RECK: variants seen among roughly 807,000 people sequenced by gnomAD.
The protein encoded by RECK is reversion-inducing cysteine-rich protein with Kazal motifs.
A neutral mutation model predicts 115.1 loss-of-function variants in RECK; 69 were observed. That is an observed-to-expected ratio of 0.60 (90% CI 0.49 to 0.73). RECK has a LOEUF of 0.73. Ranked by LOEUF, RECK falls within the 30% of genes least tolerant of loss-of-function variation. The probability of loss-of-function intolerance (pLI) is 0.00; values close to 1 mark genes in which losing one functional copy is unlikely to be tolerated. For missense variants in RECK, 1,047 were observed against 1,203.7 expected, an observed-to-expected ratio of 0.87 and a Z score of 1.93; for synonymous variants, 414 against 419.7, an observed-to-expected ratio of 0.99 and a Z score of 0.17.
intron 4 of RECK, among the ~76,000 whole-genome samples, chr9:36,063,508 A>T (rs529904741): frequency 6.6e-6 from 1 of 152,192 alleles, no homozygotes; most frequent in South Asian, 2.1e-4. Context: ...TCTGGTAAAG[A>T]TGTTACCTAC....
chr9:36,079,968 C>T lies in RECK; in HGVS notation c.406-637C>T, dbSNP rs550834853. Among the ~76,000 whole-genome samples, 502 of 152,202 alleles carry T rather than the reference C, an allele frequency of 3.3e-3. 1 individual carries two copies. The highest frequency in any genetic ancestry group is 0.012 in the African/African-American group (486 of 41,530). Reference sequence around the variant, plus strand: ...ACTCGCTTTTGACTTTTTCTATTACCTGGGGCGGGTCTCTTTTACCCTGCT... The same window carrying T: ...ACTCGCTTTTGACTTTTTCTATTACTTGGGGCGGGTCTCTTTTACCCTGCT... On this transcript the variant is annotated intron_variant, in intron 6 of 20. Coordinates refer to ENST00000377966, the MANE Select transcript of RECK (RefSeq NM_021111.3).
intron 1 of RECK, among the ~76,000 whole-genome samples, chr9:36,042,356 C>G (rs1442068157): frequency 6.6e-6 from 1 of 152,068 alleles, no homozygotes; most frequent in Non-Finnish European, 1.5e-5. Flanking sequence ...ATAATGGTCT[C>G]CAACTTCATA....
intron 17 of RECK, 47 bp downstream of exon 17, chr9:36,117,224 G>T (rs776125184): frequency 6.8e-7 from 1 of 1,465,618 alleles, no homozygotes; most frequent in Non-Finnish European, 9.2e-7. Context: ...GGATAAAATT[G>T]GTTTATGATA....
chr9:36,073,377 T>C (rs1229394613), intron 6 of RECK, among the ~76,000 whole-genome samples: 8 of 152,096 alleles, frequency 5.3e-5, no homozygotes, highest in South Asian at 2.1e-4. Flanking sequence ...CTGAGAGGTA[T>C]TGTCTACTCT....
At position 36,083,552 on chromosome 9, in the gene RECK, C is replaced by A. The variant is rs764697389; in HGVS notation, c.627C>A (p.Asn209Lys). 1 of 1,613,062 alleles carries A rather than the reference C, an allele frequency of 6.2e-7. No homozygotes were observed. The highest frequency in any genetic ancestry group is 1.7e-5 in the Admixed American group (1 of 59,906). ...NNYTQSYPMR[N>K]PTDSLYCCDR... ...ATACTCAATCTTATCCAATGAGGAA[C>A]CCAACGGATAGTAAGTAAAAGGGAC... is the stretch of plus-strand genomic sequence containing the variant. Residue 209 changes from asparagine to lysine, a missense_variant, in exon 8 of 21, where the codon AAC (asparagine) becomes AAA (lysine). Transcript: ENST00000377966.
intron 1 of RECK, among the ~76,000 whole-genome samples, chr9:36,051,262 A>T: frequency 6.6e-6 from 1 of 152,304 alleles, no homozygotes; most frequent in Admixed American, 6.5e-5. Flanking sequence ...TCAGAGGAAC[A>T]TTAGCTCTCT....
chr9:36,062,059 G>A (rs1180965442), intron 4 of RECK, among the ~76,000 whole-genome samples: 1 of 151,796 alleles, frequency 6.6e-6, no homozygotes, highest in East Asian at 1.9e-4. Flanking sequence ...GTTTTACATA[G>A]AAGCAGCATA....
At chr9:36,057,592 C>T (rs1464122380) in intron 2 of RECK, among the ~76,000 whole-genome samples, 1 of 152,072 alleles carries the variant, frequency 6.6e-6, no homozygotes, top group African/African-American at 2.4e-5. Context: ...CTGAGGCGGG[C>T]GGATCGCTTT....
At chr9:36,045,649 TA>T (rs1821047445) in intron 1 of RECK, among the ~76,000 whole-genome samples, 1 of 152,138 alleles carries the variant, frequency 6.6e-6, no homozygotes, top group South Asian at 2.1e-4. Flanking sequence ...CCAACTGAAT[TA>T]TAGCTTTTGT....
At chr9:36,081,685 T>C (rs773885095) in intron 7 of RECK, among the ~76,000 whole-genome samples, 1 of 151,834 alleles carries the variant, frequency 6.6e-6, no homozygotes, top group Non-Finnish European at 1.5e-5. Flanking sequence ...AATACAAAAA[T>C]TAGCTGGGCA....
intron 6 of RECK, among the ~76,000 whole-genome samples, chr9:36,072,368 A>G (rs920132120): frequency 2.1e-4 from 32 of 152,214 alleles, no homozygotes; most frequent in African/African-American, 6.5e-4. Context: ...CTGGACAGCT[A>G]GAAGCCTCCT....
rs746006545 is a variant in RECK at position 36,105,295 on chromosome 9, G to A, written c.1576+12G>A. On this transcript the variant is annotated intron_variant, in intron 13 of 20. Transcript: ENST00000377966. ...CTTTTGTGTTCAAGGTAAGAGGTAGGTGGGTGTGAGAAGAGGATGGATAGG... is the reference window on the plus strand; with the variant it reads ...CTTTTGTGTTCAAGGTAAGAGGTAGATGGGTGTGAGAAGAGGATGGATAGG... 8.7e-6 allele frequency: 14 copies of A among 1,613,792 alleles called. No individual in the cohort carries two copies. The highest frequency in any genetic ancestry group is 1.1e-5 in the South Asian group (1 of 91,042).
chr9:36,037,717 G>A (rs79829237), intron 1 of RECK, among the ~76,000 whole-genome samples: 1 of 151,734 alleles, frequency 6.6e-6, no homozygotes, highest in South Asian at 2.1e-4. Flanking sequence ...ATTGCTTCCC[G>A]CTTGCTGGCC....
At chr9:36,090,105 G>A (rs1038014102) in intron 9 of RECK, among the ~76,000 whole-genome samples, 18 of 152,022 alleles carry the variant, frequency 1.2e-4, no homozygotes, top group African/African-American at 4.1e-4. Context: ...GCAGTCAGCC[G>A]AGATCACGCC....
At chr9:36,070,693 A>G (rs1488906147) in intron 6 of RECK, among the ~76,000 whole-genome samples, 1 of 152,190 alleles carries the variant, frequency 6.6e-6, no homozygotes, top group Non-Finnish European at 1.5e-5. Context: ...GGATTTTTGC[A>G]ACAGACAGGA....
At chr9:36,085,015 A>G (rs757323747) in intron 8 of RECK, among the ~76,000 whole-genome samples, 16 of 152,150 alleles carry the variant, frequency 1.1e-4, no homozygotes, top group Non-Finnish European at 2.1e-4. Flanking sequence ...TTATTGTGCC[A>G]CTGCACTCCA....
chr9:36,117,949 C>T (rs1202401084), intron 17 of RECK, among the ~76,000 whole-genome samples: 2 of 152,170 alleles, frequency 1.3e-5, no homozygotes, highest in East Asian at 3.9e-4. Context: ...CATTGCACTC[C>T]AGCCTGGGTG....
chr9:36,060,063 G>C, intron 3 of RECK, 56 bp from the exon 4 acceptor site: 11 of 1,500,490 alleles, frequency 7.3e-6, no homozygotes, highest in Non-Finnish European at 1.0e-5. Context: ...GAAATTAATT[G>C]TCATATTTAG....
At chr9:36,054,223 T>C (rs543869632) in intron 2 of RECK, among the ~76,000 whole-genome samples, 1 of 152,280 alleles carries the variant, frequency 6.6e-6, no homozygotes, top group African/African-American at 2.4e-5. Flanking sequence ...ATTTAGATTT[T>C]GAACTGAGTA....
Sources: allele counts gnomAD v4.1 joint callset (sites outside exome capture counted in the v4.1 genomes callset), GRCh38; gene constraint gnomAD v4.1.1; transcripts MANE v1.5; gene names NCBI Gene and HGNC (gene_info 2026-07-23, HGNC 2026-07-21).